The following RANBP2 variants were observed in gnomAD, a reference collection of about 807,000 sequenced individuals.
RANBP2 encodes E3 SUMO-protein ligase RanBP2.
A neutral mutation model predicts 303.6 loss-of-function variants in RANBP2; 57 were observed. The observed-to-expected ratio is 0.19, with a 90% CI of 0.15 to 0.23. The LOEUF (loss-of-function observed/expected upper bound fraction) is 0.23. RANBP2 is among the 10% of genes least tolerant of loss of function. RANBP2 has a pLI of 1.00. For synonymous variants in RANBP2, 1,167 were observed against 1,301.5 expected, an observed-to-expected ratio of 0.90 and a Z score of 2.23; for missense variants, 3,138 against 3,780.8, an observed-to-expected ratio of 0.83 and a Z score of 4.46.
the RANBP2 span, among the ~76,000 whole-genome samples, chr2:109,728,731 C>T: frequency 1.3e-5 from 2 of 150,616 alleles, no homozygotes; most frequent in African/African-American, 2.4e-5. Context: ...GGATTACAGG[C>T]ATGAGCCACT....
chr2:109,006,127 C>T, the RANBP2 span, among the ~76,000 whole-genome samples: 1 of 152,176 alleles, frequency 6.6e-6, no homozygotes, highest in African/African-American at 2.4e-5. Context: ...ACAATGTGAA[C>T]GCGTGTGGAG....
chr2:109,330,447 T>C, the RANBP2 span, among the ~76,000 whole-genome samples: 1 of 152,240 alleles, frequency 6.6e-6, no homozygotes, highest in Non-Finnish European at 1.5e-5. Flanking sequence ...CGATACATTA[T>C]GACTCTAAAT....
chr2:109,567,860 G>T, the RANBP2 span: 1 of 1,612,970 alleles, frequency 6.2e-7, no homozygotes, highest in Non-Finnish European at 8.5e-7. Flanking sequence ...CATCCGTTGG[G>T]AACTGGTATA....
At chr2:109,299,155 A>G in the RANBP2 span, among the ~76,000 whole-genome samples, 4 of 152,202 alleles carry the variant, frequency 2.6e-5, no homozygotes, top group Non-Finnish European at 5.9e-5. Context: ...TGTTGCCTCC[A>G]TGCCACCTGC....
the RANBP2 span, among the ~76,000 whole-genome samples, chr2:108,983,844 A>G: frequency 6.6e-6 from 1 of 152,142 alleles, no homozygotes; most frequent in African/African-American, 2.4e-5. Flanking sequence ...CAATTTTGCC[A>G]ACTGAGCCAT....
the RANBP2 span, among the ~76,000 whole-genome samples, chr2:108,850,232 T>C: frequency 2.0e-5 from 3 of 152,154 alleles, no homozygotes; most frequent in African/African-American, 7.2e-5. Context: ...TGTTTCCTAT[T>C]TATAAAATAG....
the RANBP2 span, among the ~76,000 whole-genome samples, chr2:109,608,280 G>A: frequency 2.6e-5 from 4 of 152,146 alleles, no homozygotes; most frequent in African/African-American, 7.2e-5. Context: ...TTTTCTCATG[G>A]ACACTCACAG....
chr2:109,214,553 AT>A, the RANBP2 span, among the ~76,000 whole-genome samples: 1 of 152,022 alleles, frequency 6.6e-6, no homozygotes, highest in African/African-American at 2.4e-5. Flanking sequence ...AAGAAATTTC[AT>A]TGACATGAAA....
chr2:108,748,999 G>A lies in RANBP2; in HGVS notation c.1143G>A (p.Gly381=), dbSNP rs751369630. ...TTGAAACTTTTGCCAACAAAAGCGG[G>A]CAGTCTGCATTATATGATGCTCTGT... ...EIVETFANKS[G]QSALYDALFS... The change falls in exon 9 of 29, where the codon GGG becomes GGA. Residue 381 remains glycine, a synonymous_variant. Coordinates refer to ENST00000283195, the MANE Select transcript of RANBP2 (RefSeq NM_006267.5). 6.2e-7 allele frequency: 1 copy of A among 1,611,900 alleles called. No individual in the cohort carries two copies. Among genetic ancestry groups the A allele is most frequent in the Non-Finnish European group, 8.5e-7 (1 of 1,179,846 alleles).
At chr2:109,347,958 AGCCCCGGGGTGG>A in the RANBP2 span, 5 of 1,590,676 alleles carry the variant, frequency 3.1e-6, no homozygotes, top group Non-Finnish European at 4.3e-6. Flanking sequence ...AGGTAAGGTG[AGCCCCGGGGTGG>A]GCCCCGCCAG....
the RANBP2 span, among the ~76,000 whole-genome samples, chr2:109,458,952 C>T: frequency 6.6e-6 from 1 of 152,190 alleles, no homozygotes. Context: ...CACCGTCCAT[C>T]CTTTGTCAGC....
the RANBP2 span, among the ~76,000 whole-genome samples, chr2:108,827,513 A>G: frequency 6.6e-6 from 1 of 152,238 alleles, no homozygotes; most frequent in Non-Finnish European, 1.5e-5. Context: ...AAAAAGTTAA[A>G]TGTAACAATA....
the RANBP2 span, chr2:109,503,201 CT>C: frequency 6.6e-6 from 1 of 152,198 alleles, no homozygotes; most frequent in Non-Finnish European, 1.5e-5. Flanking sequence ...TCCATCACCC[CT>C]CTCTCCACCT....
the RANBP2 span, among the ~76,000 whole-genome samples, chr2:109,358,148 T>C: frequency 6.6e-6 from 1 of 152,252 alleles, no homozygotes; most frequent in Non-Finnish European, 1.5e-5. Context: ...TCATACAATA[T>C]GTAGCCTTTT....
the RANBP2 span, among the ~76,000 whole-genome samples, chr2:108,807,912 C>G: frequency 1.4e-4 from 21 of 152,154 alleles, no homozygotes; most frequent in Non-Finnish European, 2.8e-4. Context: ...CCCAGCCCCT[C>G]CTATCCAGTT....
chr2:109,368,012 A>C, the RANBP2 span, among the ~76,000 whole-genome samples: 329 of 152,354 alleles, frequency 2.2e-3, 1 homozygote, highest in African/African-American at 7.1e-3. Flanking sequence ...ACAAAAGGGG[A>C]ATCTTCCTGT....
the RANBP2 span, among the ~76,000 whole-genome samples, chr2:108,960,558 C>T: frequency 1.3e-5 from 2 of 152,188 alleles, no homozygotes; most frequent in Non-Finnish European, 2.9e-5. Context: ...GAAAAGTGGA[C>T]AACAACTTCC....
chr2:109,078,238 ATATAGCGTG>A, the RANBP2 span, among the ~76,000 whole-genome samples: 43 of 45,284 alleles, frequency 9.5e-4, 3 homozygotes, highest in Non-Finnish European at 1.6e-3. Context: ...GTATATATAT[ATATAGCGTG>A]TATATATATA....
At chr2:109,043,483 C>T in the RANBP2 span, among the ~76,000 whole-genome samples, 1 of 152,160 alleles carries the variant, frequency 6.6e-6, no homozygotes. Context: ...GCTGGGACTA[C>T]AGGCGCAAGC....
Sources: gnomAD v4.1 joint callset for allele counts (sites outside exome capture counted in the v4.1 genomes callset) on GRCh38, gnomAD v4.1.1 for gene constraint, MANE v1.5 for transcripts, NCBI Gene and HGNC (gene_info 2026-07-23, HGNC 2026-07-21) for gene names.